NAA11: variants seen among roughly 807,000 people sequenced by gnomAD.
NAA11 encodes the protein N-alpha-acetyltransferase 11, NatA catalytic subunit.
Under a neutral mutation model 16.1 loss-of-function variants are expected in NAA11, and 15 were observed. That is an observed-to-expected ratio of 0.93 (90% CI 0.62 to 1.44). The LOEUF is 1.44. Ranked by LOEUF, NAA11 falls within the 40% of genes most tolerant of loss-of-function variation. The pLI, the probability that NAA11 is intolerant of heterozygous loss-of-function variation, is 0.00. For missense variants in NAA11, 298 were observed against 291.3 expected, an observed-to-expected ratio of 1.02 and a Z score of -0.17; for synonymous variants, 122 against 112.4, an observed-to-expected ratio of 1.09 and a Z score of -0.54.
the NAA11 span, among the ~76,000 whole-genome samples, chr4:79,192,619 G>A: frequency 6.6e-6 from 1 of 151,992 alleles, no homozygotes; most frequent in Non-Finnish European, 1.5e-5. Flanking sequence ...TCTTAATTCA[G>A]TCTATCATTG....
the NAA11 span, among the ~76,000 whole-genome samples, chr4:79,156,198 CAT>C: frequency 6.6e-6 from 1 of 152,080 alleles, no homozygotes; most frequent in Non-Finnish European, 1.5e-5. Context: ...GTAAAACCCA[CAT>C]ATGTATATTT....
intron 1 of NAA11, among the ~76,000 whole-genome samples, chr4:79,324,774 T>C (rs989334118): frequency 1.6e-4 from 25 of 152,216 alleles, no homozygotes; most frequent in African/African-American, 3.6e-4. Context: ...CTATTAGCCA[T>C]TGATGACTCT....
chr4:79,174,615 A>C, the NAA11 span, among the ~76,000 whole-genome samples: 10 of 152,182 alleles, frequency 6.6e-5, no homozygotes, highest in Admixed American at 2.0e-4. Flanking sequence ...CTCATGATTG[A>C]GTTACAACTG....
chr4:79,205,491 C>T, the NAA11 span, among the ~76,000 whole-genome samples: 620 of 151,682 alleles, frequency 4.1e-3, 13 homozygotes, highest in Admixed American at 0.037. Flanking sequence ...GTTTCAGTTC[C>T]TTGTAGATTC....
chr4:79,267,114 C>T (rs1722371874), intron 2 of NAA11, among the ~76,000 whole-genome samples: 2 of 152,282 alleles, frequency 1.3e-5, no homozygotes, highest in East Asian at 1.9e-4. Flanking sequence ...TAGTCAAGAA[C>T]ATACACCTAT....
intron 1 of NAA11, among the ~76,000 whole-genome samples, chr4:79,296,465 G>A (rs1244741990): frequency 6.6e-6 from 1 of 152,124 alleles, no homozygotes; most frequent in East Asian, 1.9e-4. Flanking sequence ...AAAACAGAGC[G>A]CTTATTAAGC....
chr4:79,321,850 C>A (rs1724098275), intron 1 of NAA11, among the ~76,000 whole-genome samples: 1 of 152,094 alleles, frequency 6.6e-6, no homozygotes, highest in Non-Finnish European at 1.5e-5. Context: ...ATAACTATAT[C>A]AATGAAATTG....
At chr4:79,313,059 A>G (rs537369109), downstream of NAA11, among the ~76,000 whole-genome samples, 78 of 152,344 alleles carry the variant, frequency 5.1e-4, no homozygotes, top group Non-Finnish European at 9.0e-4. Context: ...ATGTCCACAT[A>G]CATGCATATA....
intron 2 of NAA11, among the ~76,000 whole-genome samples, chr4:79,288,568 T>C (rs1723003513): frequency 6.6e-6 from 1 of 152,194 alleles, no homozygotes; most frequent in African/African-American, 2.4e-5. Context: ...GCAAACATAG[T>C]ATGTACCAAT....
At chr4:79,177,671 G>GTAA in the NAA11 span, among the ~76,000 whole-genome samples, 1 of 152,166 alleles carries the variant, frequency 6.6e-6, no homozygotes, top group East Asian at 1.9e-4. Flanking sequence ...TACATTTTTA[G>GTAA]TAATAATAAT....
At chr4:79,219,658 G>C in the NAA11 span, among the ~76,000 whole-genome samples, 4 of 151,952 alleles carry the variant, frequency 2.6e-5, no homozygotes, top group Non-Finnish European at 4.4e-5. Context: ...CTAATACAAT[G>C]ATCACATATA....
chr4:79,157,480 A>T, the NAA11 span, among the ~76,000 whole-genome samples: 1 of 151,778 alleles, frequency 6.6e-6, no homozygotes, highest in Admixed American at 6.6e-5. Context: ...CATATGATGG[A>T]ATATATATAT....
the NAA11 span, among the ~76,000 whole-genome samples, chr4:79,184,712 G>A: frequency 3.9e-5 from 6 of 152,104 alleles, no homozygotes; most frequent in Admixed American, 6.6e-5. Context: ...ATAGTTTTAC[G>A]CTAGGAACTC....
chr4:79,192,857 G>A, the NAA11 span, among the ~76,000 whole-genome samples: 10 of 151,530 alleles, frequency 6.6e-5, no homozygotes, highest in Non-Finnish European at 1.0e-4. Flanking sequence ...GTGTAAAAGT[G>A]TTCCTATTTC....
Position 79,308,229 on chromosome 4 carries a change from T to C in NAA11, c.*13-14115A>G, listed in dbSNP as rs934097040. 62 of 152,256 alleles carry C rather than the reference T, an allele frequency of 4.1e-4. 1 individual carries two copies. The highest frequency in any genetic ancestry group is 1.5e-3 in the African/African-American group (61 of 41,546). The allele number at this position is 152,256 out of a possible 1,614,324, so 9.4% of individuals were successfully genotyped here. On this transcript the variant is annotated intron_variant and NMD_transcript_variant, in intron 1 of 2. Coordinates refer to the NAA11 transcript ENST00000511542. Reference sequence around the variant, plus strand: ...TACTATAGATCATTCCGAGAGGAGGTAGAAGGAAGATTGCACTAACATTAG... The same window carrying C: ...TACTATAGATCATTCCGAGAGGAGGCAGAAGGAAGATTGCACTAACATTAG...
intron 1 of NAA11, among the ~76,000 whole-genome samples, chr4:79,323,981 C>T (rs1454903618): frequency 1.4e-5 from 2 of 147,688 alleles, no homozygotes; most frequent in Non-Finnish European, 3.0e-5. Flanking sequence ...CCAGCCTGGG[C>T]GACAGAACGA....
At chr4:79,191,721 A>G in the NAA11 span, among the ~76,000 whole-genome samples, 2 of 152,102 alleles carry the variant, frequency 1.3e-5, no homozygotes, top group African/African-American at 4.8e-5. Flanking sequence ...TTTTGTTGTC[A>G]TTGCTTTTGC....
chr4:79,325,118 CA>C, intron 1 of NAA11, 57 bp downstream of exon 1: 1 of 1,437,632 alleles, frequency 7.0e-7, no homozygotes, highest in Non-Finnish European at 9.3e-7. Context: ...TTGGGCAGGC[CA>C]AGGCAGGATG....
chr4:79,204,806 T>C, the NAA11 span, among the ~76,000 whole-genome samples: 1 of 151,822 alleles, frequency 6.6e-6, no homozygotes, highest in Non-Finnish European at 1.5e-5. Context: ...AGAAAGAACA[T>C]GCAGTATTTG....
Sources: allele counts gnomAD v4.1 joint callset (sites outside exome capture counted in the v4.1 genomes callset), GRCh38; gene constraint gnomAD v4.1.1; transcripts MANE v1.5; gene names NCBI Gene and HGNC (gene_info 2026-07-23, HGNC 2026-07-21).